The following MBOAT1 variants were observed in gnomAD, a reference collection of about 807,000 sequenced individuals.
The protein encoded by MBOAT1 is membrane-bound glycerophospholipid O-acyltransferase 1.
Under a neutral mutation model 64.4 loss-of-function variants are expected in MBOAT1, and 67 were observed. The observed-to-expected ratio is 1.04, with a 90% CI of 0.85 to 1.27. The LOEUF is 1.27. Among genes scored for constraint, MBOAT1 ranks in the 50% most tolerant of loss-of-function variants. The pLI is 0.00. For missense variants in MBOAT1, 563 were observed against 604.6 expected (o/e 0.93, Z 0.72); for synonymous variants, 229 against 218.9 (o/e 1.05, Z -0.41).
intron 4 of MBOAT1, among the ~76,000 whole-genome samples, chr6:20,139,991 CT>C (rs1761123570): frequency 6.6e-6 from 1 of 152,186 alleles, no homozygotes; most frequent in South Asian, 2.1e-4. Flanking sequence ...ACTAATGAGC[CT>C]TTGACACAGG....
chr6:20,172,325 A>G (rs1762220180), intron 1 of MBOAT1, among the ~76,000 whole-genome samples: 1 of 152,092 alleles, frequency 6.6e-6, no homozygotes, highest in Non-Finnish European at 1.5e-5. Flanking sequence ...GCTACCCAGG[A>G]GGCTGAGGGA....
At chr6:20,167,760 T>G (rs1348372396) in intron 1 of MBOAT1, among the ~76,000 whole-genome samples, 1 of 152,242 alleles carries the variant, frequency 6.6e-6, no homozygotes. Context: ...CAATTCTTCT[T>G]CTATAAAATA....
chr6:20,152,957 G>C (rs1038630262), intron 1 of MBOAT1, among the ~76,000 whole-genome samples, 188 bp from the exon 2 acceptor site: 10 of 151,934 alleles, frequency 6.6e-5, no homozygotes, highest in Non-Finnish European at 1.5e-4. Flanking sequence ...CTCAGCCTCC[G>C]AAGTAGCTGG....
chr6:20,143,473 A>G (rs1316262748), intron 4 of MBOAT1, among the ~76,000 whole-genome samples: 1 of 152,204 alleles, frequency 6.6e-6, no homozygotes, highest in East Asian at 1.9e-4. Context: ...AGCTAGTATC[A>G]AAGAATTTCT....
At chr6:20,156,921 C>A (rs189513066) in intron 1 of MBOAT1, among the ~76,000 whole-genome samples, 1 of 152,226 alleles carries the variant, frequency 6.6e-6, no homozygotes, top group South Asian at 2.1e-4. Context: ...AAACTACCAT[C>A]GGGGTTAACA....
At chr6:20,120,678 T>A (rs1233298827) in intron 8 of MBOAT1, among the ~76,000 whole-genome samples, 2 of 151,684 alleles carry the variant, frequency 1.3e-5, no homozygotes, top group African/African-American at 4.8e-5. Flanking sequence ...AAAAAAAAAT[T>A]TAAAAAAACA....
intron 8 of MBOAT1, among the ~76,000 whole-genome samples, chr6:20,123,436 C>G (rs1760551544): frequency 6.6e-6 from 1 of 152,182 alleles, no homozygotes. Flanking sequence ...AACACCCTTT[C>G]CCAGTCTCTA....
chr6:20,102,228 TGTC>T lies in MBOAT1; in HGVS notation c.*55_*57del. On this transcript the variant is annotated 3_prime_UTR_variant, in exon 13 of 13. Coordinates refer to ENST00000324607, the MANE Select transcript of MBOAT1 (RefSeq NM_001080480.3). ...GCCACCGGAGGAGCCCTTGAAGCCT[TGTC>T]ATCTCATCTTTCGAACGTTCTGCAG... is the stretch of plus-strand genomic sequence containing the variant. The T allele has an allele frequency of 6.3e-7, 1 of 1,578,042 alleles. No individual in the cohort carries two copies. The highest frequency in any genetic ancestry group is 8.6e-7 in the Non-Finnish European group (1 of 1,161,012).
In MBOAT1 at chr6:20,109,769, ACAG is replaced by A; in HGVS notation, c.1210-23_1210-21del. On this transcript the variant is annotated intron_variant, in intron 11 of 12. Transcript: ENST00000324607. The stretch of plus-strand genomic sequence containing the variant: ...CCTGACCTGCAGGCCAACACAGGCA[ACAG>A]TAGTGAGGAGGGGGTGAAAAACAAA... 6.2e-7 allele frequency: 1 copy of A among 1,608,468 alleles called. No individual in the cohort carries two copies. Among genetic ancestry groups the A allele is most frequent in the Non-Finnish European group, 8.5e-7 (1 of 1,175,614 alleles).
At chr6:20,165,348 T>C (rs1441615948) in intron 1 of MBOAT1, among the ~76,000 whole-genome samples, 4 of 152,016 alleles carry the variant, frequency 2.6e-5, no homozygotes, top group Non-Finnish European at 5.9e-5. Context: ...TGATACTTTT[T>C]TGAGAGCTAG....
rs753494826 is a variant in MBOAT1 at position 20,107,793 on chromosome 6, G to GAA, written c.1361+1803_1361+1804dup. On this transcript the variant is annotated intron_variant, in intron 12 of 12. Transcript: ENST00000324607. ...GGGCTTAGAATACCAGGGCTTACAGGAAAAAAAAAAAAGCATGTTAGAAAT... is the reference window on the plus strand; with the variant it reads ...GGGCTTAGAATACCAGGGCTTACAGGAAAAAAAAAAAAAAGCATGTTAGAAAT... Among the ~76,000 whole-genome samples, 1,012 of 141,832 alleles carry GAA rather than the reference G, an allele frequency of 7.1e-3. 14 individuals are homozygous for GAA. Among genetic ancestry groups the GAA allele is most frequent in the African/African-American group, 0.024 (937 of 39,080 alleles). 93.0% of individuals were successfully genotyped at this position (141,832 alleles called of 152,430 possible). A position where few individuals can be genotyped will look rare whatever the true frequency, so the allele number is the denominator to read the frequency against.
intron 1 of MBOAT1, among the ~76,000 whole-genome samples, chr6:20,194,227 C>T (rs1762891341): frequency 6.6e-6 from 1 of 152,028 alleles, no homozygotes; most frequent in African/African-American, 2.4e-5. Context: ...ATTCTGCAAC[C>T]AGTTTCCTCT....
chr6:20,114,332 G>T (rs1760257813), intron 10 of MBOAT1, among the ~76,000 whole-genome samples: 1 of 152,180 alleles, frequency 6.6e-6, no homozygotes, highest in South Asian at 2.1e-4. Flanking sequence ...AGAGCTTGCT[G>T]CTTCAAGGAC....
intron 1 of MBOAT1, among the ~76,000 whole-genome samples, chr6:20,177,963 C>A (rs1175023523): frequency 6.6e-6 from 1 of 152,116 alleles, no homozygotes; most frequent in South Asian, 2.1e-4. Flanking sequence ...CTAAATTCCT[C>A]CTGGTAGAAT....
chr6:20,121,735 A>G (rs1433793152), intron 8 of MBOAT1, among the ~76,000 whole-genome samples: 1 of 152,178 alleles, frequency 6.6e-6, no homozygotes, highest in East Asian at 1.9e-4. Context: ...GGAGGATAGG[A>G]AGAGAAAAGA....
At chr6:20,155,925 C>T (rs192503364) in intron 1 of MBOAT1, among the ~76,000 whole-genome samples, 1 of 152,288 alleles carries the variant, frequency 6.6e-6, no homozygotes, top group African/African-American at 2.4e-5. Flanking sequence ...AAAGTGCTTG[C>T]AGTCTGGTGT....
chr6:20,200,950 G>A (rs11752473), intron 1 of MBOAT1, among the ~76,000 whole-genome samples: 76,484 of 151,888 alleles, frequency 0.5, 21,098 homozygotes, highest in Non-Finnish European at 0.61. Context: ...GAGTATCTGC[G>A]AACATATCTA....
chr6:20,151,011 C>T (rs534080239), intron 3 of MBOAT1, among the ~76,000 whole-genome samples, 174 bp downstream of exon 3: 3 of 152,250 alleles, frequency 2.0e-5, no homozygotes, highest in Non-Finnish European at 4.4e-5. Flanking sequence ...TTTCATAAAG[C>T]CTTCTCTGAA....
intron 4 of MBOAT1, among the ~76,000 whole-genome samples, chr6:20,132,216 C>T (rs1406453496): frequency 6.6e-6 from 1 of 152,146 alleles, no homozygotes; most frequent in Non-Finnish European, 1.5e-5. Flanking sequence ...CCAGGGAATT[C>T]CACTCATTAA....
Sources: gnomAD v4.1 joint callset for allele counts (sites outside exome capture counted in the v4.1 genomes callset) on GRCh38, gnomAD v4.1.1 for gene constraint, MANE v1.5 for transcripts, NCBI Gene and HGNC (gene_info 2026-07-23, HGNC 2026-07-21) for gene names.